Variants in TBXAS1 observed in about 807,000 individuals in gnomAD.
The protein encoded by TBXAS1 is thromboxane A synthase 1, also known as thromboxane-A synthase.
In TBXAS1, 48 loss-of-function variants were observed where a neutral mutation model predicts 60.7. The observed-to-expected ratio is 0.79, with a 90% CI of 0.63 to 1.01. The LOEUF is 1.01. TBXAS1 is among the 50% of genes least tolerant of loss of function. The pLI, the probability that TBXAS1 is intolerant of heterozygous loss-of-function variation, is 0.00. For missense variants in TBXAS1, 685 were observed against 686.3 expected (o/e 1.00, Z 0.02); for synonymous variants, 287 against 269.7 (o/e 1.06, Z -0.63).
intron 5 of TBXAS1, among the ~76,000 whole-genome samples, chr7:139,937,268 A>G (rs1202874346): frequency 6.6e-6 from 1 of 152,198 alleles, no homozygotes; most frequent in East Asian, 1.9e-4. Context: ...GCTTGGCTTG[A>G]GTGCCCTGGG....
At chr7:140,016,265 T>C (rs1379802554) in intron 11 of TBXAS1, 3 of 323,150 alleles carry the variant, frequency 9.3e-6, no homozygotes, top group South Asian at 9.1e-5. Context: ...GAGGCGGAGC[T>C]TGCAGTGAGC....
intron 9 of TBXAS1, among the ~76,000 whole-genome samples, chr7:139,966,850 G>C (rs570094041): frequency 6.6e-6 from 1 of 152,274 alleles, no homozygotes; most frequent in African/African-American, 2.4e-5. Context: ...GGAGAGGTCT[G>C]TTTTTTCCCC....
At chr7:139,989,119 C>G (rs1812714493) in intron 9 of TBXAS1, among the ~76,000 whole-genome samples, 1 of 152,230 alleles carries the variant, frequency 6.6e-6, no homozygotes, top group Non-Finnish European at 1.5e-5. Flanking sequence ...TAGCAGAAAT[C>G]AACAACACGT....
chr7:139,963,166 A>G (rs1039242720), intron 9 of TBXAS1: 67 of 152,202 alleles, frequency 4.4e-4, no homozygotes, highest in African/African-American at 1.5e-3. Flanking sequence ...GTTACTAATT[A>G]ATTGTCTTAA....
chr7:139,935,788 C>A (rs1354358423), intron 4 of TBXAS1, among the ~76,000 whole-genome samples: 3 of 151,748 alleles, frequency 2.0e-5, no homozygotes, highest in Non-Finnish European at 4.4e-5. Flanking sequence ...TCCAGTCACA[C>A]AAAACCCTGT....
Position 139,962,050 on chromosome 7 carries a change from C to T in TBXAS1, c.951C>T (p.His317=), listed in dbSNP as rs778147517. 8 of 1,614,134 alleles carry T rather than the reference C, an allele frequency of 5.0e-6. No individual in the cohort carries two copies. The South Asian group carries it at 8.8e-5, about 18-fold the overall frequency. ...TGCKPNPSRQ[H]QPSPMARPLT... is the part of the protein sequence containing the mutation. Reference sequence around the variant, plus strand: ...GCAAGCCGAACCCTTCCCGGCAACACCAGCCCAGCCCTATGGCCAGGCCTT... The same window carrying T: ...GCAAGCCGAACCCTTCCCGGCAACATCAGCCCAGCCCTATGGCCAGGCCTT... The change falls in exon 9 of 13, where the codon CAC becomes CAT. Residue 317 remains histidine (H), a synonymous_variant. Transcript: ENST00000448866.
intron 4 of TBXAS1, among the ~76,000 whole-genome samples, chr7:139,805,708 TTCTTTC>T (rs1164421529): frequency 1.3e-3 from 28 of 21,150 alleles, no homozygotes; most frequent in South Asian, 2.1e-3. Context: ...CTTTCTTTCT[TTCTTTC>T]TCTCTCTCTC....
At chr7:139,843,119 C>G (rs998786729) in intron 1 of TBXAS1, among the ~76,000 whole-genome samples, 1 of 152,134 alleles carries the variant, frequency 6.6e-6, no homozygotes, top group Non-Finnish European at 1.5e-5. Flanking sequence ...CATGCCTGTT[C>G]CCTCCAAGCT....
chr7:139,837,319 C>A (rs754483829), intron 1 of TBXAS1, among the ~76,000 whole-genome samples: 9 of 152,104 alleles, frequency 5.9e-5, no homozygotes, highest in Admixed American at 2.0e-4. Flanking sequence ...GGGTATCTAC[C>A]CAAAGGAAAA....
chr7:139,950,632 G>A (rs1312049207), intron 5 of TBXAS1, among the ~76,000 whole-genome samples: 1 of 152,004 alleles, frequency 6.6e-6, no homozygotes, highest in East Asian at 1.9e-4. Flanking sequence ...CCTTCATGGA[G>A]CCATTGCAGC....
chr7:139,818,263 A>C (rs1798203973), intron 4 of TBXAS1, among the ~76,000 whole-genome samples: 1 of 152,088 alleles, frequency 6.6e-6, no homozygotes, highest in Admixed American at 6.5e-5. Context: ...GAGAGGGTGA[A>C]GGTATAGGAT....
intron 4 of TBXAS1, among the ~76,000 whole-genome samples, chr7:139,806,465 G>A (rs1295208288): frequency 1.3e-5 from 2 of 151,190 alleles, no homozygotes; most frequent in East Asian, 3.9e-4. Context: ...GTTTTGCCAT[G>A]TTGCCCAGGC....
intron 9 of TBXAS1, among the ~76,000 whole-genome samples, chr7:139,989,452 C>T (rs1004532686): frequency 2.0e-5 from 3 of 152,216 alleles, no homozygotes; most frequent in African/African-American, 7.2e-5. Context: ...CTAACGACAT[C>T]GTGAGCGTGG....
At chr7:139,793,711 AT>A (rs1212636447) in intron 4 of TBXAS1, among the ~76,000 whole-genome samples, 1 of 152,236 alleles carries the variant, frequency 6.6e-6, no homozygotes, top group East Asian at 1.9e-4. Context: ...AAGGAAACAT[AT>A]TTCATATGAG....
chr7:140,004,988 C>G lies in TBXAS1; in HGVS notation c.1135-2103C>G, dbSNP rs919507026. The stretch of plus-strand genomic sequence containing the variant: ...CCCTCTCTGTGCCTGTACCCAGGAC[C>G]CTGTGAAGTGTGGACAGCAACAGTG... On this transcript the variant is annotated intron_variant, in intron 9 of 12. Transcript: ENST00000448866. The surrounding 1 kb of genome is among the most constrained non-coding windows in gnomAD (Gnocchi z 5.1). Among the ~76,000 whole-genome samples, 3 of 152,184 alleles carry G rather than the reference C, an allele frequency of 2.0e-5. No homozygotes were observed. The highest frequency in any genetic ancestry group is 4.4e-5 in the Non-Finnish European group (3 of 68,048).
At chr7:139,869,952 T>C (rs868071374) in intron 1 of TBXAS1, among the ~76,000 whole-genome samples, 5 of 152,186 alleles carry the variant, frequency 3.3e-5, no homozygotes, top group Admixed American at 2.0e-4. Flanking sequence ...CCCATGTTGC[T>C]ATTTTGCCCA....
intron 4 of TBXAS1, among the ~76,000 whole-genome samples, chr7:139,935,644 G>A (rs1018220481): frequency 2.6e-5 from 4 of 151,730 alleles, no homozygotes; most frequent in Non-Finnish European, 5.9e-5. Context: ...CATTATGGCA[G>A]GCATGCTCCC....
At chr7:139,817,779 G>A (rs773425540) in intron 4 of TBXAS1, among the ~76,000 whole-genome samples, 6 of 152,098 alleles carry the variant, frequency 3.9e-5, no homozygotes, top group Non-Finnish European at 8.8e-5. Context: ...AGAAAATCTA[G>A]GTTGAGAAAT....
At chr7:139,966,419 G>C (rs1240483417) in intron 9 of TBXAS1, among the ~76,000 whole-genome samples, 1 of 152,216 alleles carries the variant, frequency 6.6e-6, no homozygotes, top group Non-Finnish European at 1.5e-5. Context: ...CCAGAGGGCA[G>C]AGCTGCCTTC....
Sources: allele counts gnomAD v4.1 joint callset (sites outside exome capture counted in the v4.1 genomes callset), GRCh38; gene constraint gnomAD v4.1.1; non-coding constraint Gnocchi (gnomAD v3.1); transcripts MANE v1.5; gene names NCBI Gene and HGNC (gene_info 2026-07-23, HGNC 2026-07-21).